PKIG: variants seen among roughly 807,000 people sequenced by gnomAD.
The protein encoded by PKIG is cAMP-dependent protein kinase inhibitor gamma, also known as protein kinase (cAMP-dependent, catalytic) inhibitor gamma.
PKIG carries 1 observed loss-of-function variant against 6.8 expected under a neutral mutation model. That is an observed-to-expected ratio of 0.15 (90% confidence interval 0.05 to 0.69). The LOEUF is 0.69. Ranked by LOEUF, PKIG falls within the 30% of genes least tolerant of loss-of-function variation. The pLI is 0.82. For synonymous variants in PKIG, 39 were observed against 43.0 expected, an observed-to-expected ratio of 0.91 and a Z score of 0.36; for missense variants, 77 against 104.0, an observed-to-expected ratio of 0.74 and a Z score of 1.13.
intron 2 of PKIG, 127 bp downstream of exon 2, chr20:44,589,993 T>C (rs954950207): frequency 6.6e-6 from 1 of 152,322 alleles, no homozygotes; most frequent in African/African-American, 2.4e-5. Context: ...ATTTTGACCT[T>C]ATGAAGAAAA....
chr20:44,557,806 A>C (rs1246417128), intron 1 of PKIG, among the ~76,000 whole-genome samples: 3 of 152,044 alleles, frequency 2.0e-5, no homozygotes, highest in African/African-American at 7.2e-5. Flanking sequence ...CCTGGGTGGC[A>C]GAGCAAGACT....
chr20:44,550,759 A>G (rs1261597951), intron 1 of PKIG, among the ~76,000 whole-genome samples: 1 of 152,162 alleles, frequency 6.6e-6, no homozygotes, highest in Non-Finnish European at 1.5e-5. Context: ...TGAGGCAGAG[A>G]GCGGGACAGT....
intron 2 of PKIG, among the ~76,000 whole-genome samples, chr20:44,591,130 G>T (rs1267355222): frequency 2.0e-5 from 3 of 152,156 alleles, no homozygotes; most frequent in African/African-American, 7.2e-5. Flanking sequence ...TGGGCAGAGG[G>T]TGCTGCGGCT....
At chr20:44,532,362 G>A (rs1228040420) in intron 1 of PKIG, among the ~76,000 whole-genome samples, 1 of 152,194 alleles carries the variant, frequency 6.6e-6, no homozygotes, top group Non-Finnish European at 1.5e-5. Flanking sequence ...CTGCAAAATG[G>A]GAATCATGGT....
chr20:44,613,577 A>G (rs995779887), intron 2 of PKIG, among the ~76,000 whole-genome samples: 3 of 152,180 alleles, frequency 2.0e-5, no homozygotes, highest in Non-Finnish European at 2.9e-5. Flanking sequence ...TATGTCAGCA[A>G]ACCACACTTC....
Position 44,618,466 on chromosome 20 carries a change from C to G in PKIG, c.*102C>G. ...CAGCCTCTTCTCTGAGCTCCATGTC[C>G]CAGATAAACCAGGCCAGACTGAGAA... On this transcript the variant is annotated 3_prime_UTR_variant, in exon 4 of 4. Coordinates refer to ENST00000372886, the MANE Select transcript of PKIG (RefSeq NM_001281445.2). The G allele has an allele frequency of 2.4e-6, 2 of 823,250 alleles. No homozygotes were observed. Among genetic ancestry groups the G allele is most frequent in the Non-Finnish European group, 4.2e-6 (2 of 474,510 alleles). The allele number at this position is 823,250 out of a possible 1,614,324, so 51.0% of individuals were successfully genotyped here. A position where few individuals can be genotyped will look rare whatever the true frequency, so the allele number is the denominator to read the frequency against.
chr20:44,567,078 A>C (rs184623141), intron 1 of PKIG, among the ~76,000 whole-genome samples: 6 of 152,290 alleles, frequency 3.9e-5, no homozygotes, highest in African/African-American at 1.4e-4. Context: ...CAGCTGGTTT[A>C]AGCAGAAAAG....
intron 1 of PKIG, among the ~76,000 whole-genome samples, chr20:44,538,145 C>T (rs2064529719): frequency 6.6e-6 from 1 of 152,166 alleles, no homozygotes; most frequent in Admixed American, 6.6e-5. Context: ...CACTTAGCTC[C>T]ACTCCCACAA....
At chr20:44,594,722 C>G (rs2065061334) in intron 2 of PKIG, among the ~76,000 whole-genome samples, 1 of 152,152 alleles carries the variant, frequency 6.6e-6, no homozygotes, top group South Asian at 2.1e-4. Flanking sequence ...GAAAATCCAG[C>G]CTTTATTTCT....
chr20:44,566,054 A>T (rs566805291), intron 1 of PKIG, among the ~76,000 whole-genome samples: 1 of 152,180 alleles, frequency 6.6e-6, no homozygotes, highest in Non-Finnish European at 1.5e-5. Flanking sequence ...GAGCCACCAC[A>T]CCCAGCCAAT....
chr20:44,541,066 C>A (rs192869525), intron 1 of PKIG, among the ~76,000 whole-genome samples: 37 of 152,276 alleles, frequency 2.4e-4, no homozygotes, highest in Non-Finnish European at 1.5e-5. Flanking sequence ...GGCTTCTAGG[C>A]ATGGGAATTC....
chr20:44,615,156 T>A (rs1015721923), intron 3 of PKIG, among the ~76,000 whole-genome samples: 1 of 150,220 alleles, frequency 6.7e-6, no homozygotes, highest in African/African-American at 2.4e-5. Context: ...AATCCCCCAG[T>A]GGCTTCACTG....
chr20:44,617,145 GC>G (rs2065272481), intron 3 of PKIG, among the ~76,000 whole-genome samples: 1 of 152,178 alleles, frequency 6.6e-6, no homozygotes, highest in South Asian at 2.1e-4. Flanking sequence ...ACGAGAAAGT[GC>G]CCATCCATCT....
intron 1 of PKIG, among the ~76,000 whole-genome samples, chr20:44,551,349 C>T (rs2064667172): frequency 6.6e-6 from 1 of 152,202 alleles, no homozygotes; most frequent in African/African-American, 2.4e-5. Context: ...CCACCGCGCC[C>T]GGCCCAACAT....
Position 44,543,818 on chromosome 20 carries a change from T to C in PKIG, c.-241+11840T>C, listed in dbSNP as rs2064584919. On this transcript the variant is annotated intron_variant, in intron 1 of 4. Transcript: ENST00000372887. ...CGTAAAATACCTGTAATCCCAGCAC[T>C]GTGGGAAGCCGAGGCGGGTGGATCA... Among the ~76,000 whole-genome samples the C allele has an allele frequency of 1.3e-5, 2 of 152,152 alleles. 1 individual carries two copies. The highest frequency in any genetic ancestry group is 1.3e-4 in the Admixed American group (2 of 15,272).
In PKIG at chr20:44,588,550, G is replaced by A. The variant is rs2065009195; in HGVS notation, c.-93-1247G>A. On this transcript the variant is annotated intron_variant, in intron 1 of 3. Transcript: ENST00000372886. ...TCCCAGCTACTTGGGAGGCTGAGGC[G>A]GAAGAATTGCTTAAACTTGGGAGGC... Among the ~76,000 whole-genome samples the A allele has an allele frequency of 3.3e-5, 5 of 152,052 alleles. No homozygotes were observed. The South Asian group carries it at 6.2e-4, about 19-fold the overall frequency.
intron 1 of PKIG, among the ~76,000 whole-genome samples, chr20:44,557,136 G>T (rs570319104): frequency 6.6e-6 from 1 of 152,020 alleles, no homozygotes. Flanking sequence ...TTAATGAGAG[G>T]GACTTGTACT....
intron 1 of PKIG, among the ~76,000 whole-genome samples, chr20:44,550,529 T>C (rs1944538467): frequency 6.6e-6 from 1 of 152,136 alleles, no homozygotes. Context: ...GATTTCCCAT[T>C]GAAATCTCGC....
At chr20:44,584,590 TTTTG>T (rs1426519036) in intron 1 of PKIG, among the ~76,000 whole-genome samples, 2 of 152,078 alleles carry the variant, frequency 1.3e-5, no homozygotes, top group Non-Finnish European at 2.9e-5. Context: ...TTTGTTTTGT[TTTTG>T]TTTGTTTGTT....
Sources: gnomAD v4.1 joint callset for allele counts (sites outside exome capture counted in the v4.1 genomes callset) on GRCh38, gnomAD v4.1.1 for gene constraint, MANE v1.5 for transcripts, NCBI Gene and HGNC (gene_info 2026-07-23, HGNC 2026-07-21) for gene names.